ZBTB40: variants seen among roughly 807,000 people sequenced by gnomAD.
ZBTB40 encodes the protein zinc finger and BTB domain containing 40.
In ZBTB40, 60 loss-of-function variants were observed where a neutral mutation model predicts 117.5. The observed-to-expected ratio is 0.51, with a 90% CI of 0.41 to 0.63. The LOEUF (loss-of-function observed/expected upper bound fraction) is 0.63, where lower values mean the gene tolerates loss of function less well. Ranked by LOEUF, ZBTB40 falls within the 30% of genes least tolerant of loss-of-function variation. ZBTB40 has a pLI of 0.00. For missense variants in ZBTB40, 1,287 were observed against 1,498.5 expected (o/e 0.86, Z 2.33); for synonymous variants, 525 against 577.1 (o/e 0.91, Z 1.29).
chr1:22,436,966 C>G (rs1640678012), intron 1 of ZBTB40, among the ~76,000 whole-genome samples: 1 of 151,858 alleles, frequency 6.6e-6, no homozygotes. Flanking sequence ...GGAAGATGGG[C>G]AAGTCTAGAG....
intron 3 of ZBTB40, among the ~76,000 whole-genome samples, chr1:22,492,165 C>T (rs1638649151): frequency 6.6e-6 from 1 of 152,170 alleles, no homozygotes. Flanking sequence ...TCACAGAGCT[C>T]ATATGACCCT....
intron 1 of ZBTB40, among the ~76,000 whole-genome samples, chr1:22,480,865 G>C (rs1175639224): frequency 2.0e-4 from 31 of 152,128 alleles, no homozygotes; most frequent in Admixed American, 2.0e-3. Flanking sequence ...GTTTCCCTGA[G>C]CCAGTGAGCA....
At chr1:22,501,916 A>G (rs1290946003) in intron 4 of ZBTB40, among the ~76,000 whole-genome samples, 2 of 152,172 alleles carry the variant, frequency 1.3e-5, no homozygotes, top group African/African-American at 4.8e-5. Context: ...AATATCATCA[A>G]TGTTCTCCTG....
At chr1:22,524,195 C>G in intron 16 of ZBTB40, 23 bp from the exon 17 acceptor site, 1 of 1,612,164 alleles carries the variant, frequency 6.2e-7, no homozygotes, top group Non-Finnish European at 8.5e-7. Context: ...ACAGCCCTCC[C>G]CTTCTGTCTC....
rs1421687728 is a variant in ZBTB40 at position 22,512,977 on chromosome 1, G to C, written c.2515G>C (p.Glu839Gln). 1 of 1,614,226 alleles carries C rather than the reference G, an allele frequency of 6.2e-7. No individual in the cohort carries two copies. Among genetic ancestry groups the C allele is most frequent in the Admixed American group, 1.7e-5 (1 of 60,036 alleles). The change falls in exon 12 of 18, where the codon GAA becomes CAA. Residue 839 changes from glutamate (E) to glutamine (Q), a missense_variant. This residue lies in a region of ZBTB40 where 417 missense variants were observed against 564.1 expected (regional missense o/e 0.74). Coordinates refer to ENST00000375647, the MANE Select transcript of ZBTB40 (RefSeq NM_014870.4). ...CTTCGATGAGAAGCCTTTCTCCTGT[G>C]AAGAGTGTGGGGCGAAGTTTGCAGC... is the stretch of plus-strand genomic sequence containing the variant. The part of the protein sequence containing the change: ...EHFDEKPFSC[E>Q]ECGAKFAANS...
upstream of ZBTB40, among the ~76,000 whole-genome samples, chr1:22,450,211 C>G (rs1047367266): frequency 2.6e-5 from 4 of 152,220 alleles, no homozygotes; most frequent in Non-Finnish European, 5.9e-5. Context: ...TCCCAAAATG[C>G]TCCCAAAATG....
chr1:22,440,326 C>A (rs1640716405), intron 1 of ZBTB40, among the ~76,000 whole-genome samples: 1 of 151,914 alleles, frequency 6.6e-6, no homozygotes, highest in Non-Finnish European at 1.5e-5. Flanking sequence ...TTCTTCTTGC[C>A]TAATTGCTCT....
intron 1 of ZBTB40, among the ~76,000 whole-genome samples, chr1:22,465,701 G>A (rs1242189923): frequency 6.6e-6 from 1 of 152,146 alleles, no homozygotes; most frequent in Non-Finnish European, 1.5e-5. Flanking sequence ...GCCTGTGAGG[G>A]TGGGGCCTTC....
chr1:22,502,264 C>T (rs748422079), intron 4 of ZBTB40, 35 bp from the exon 5 acceptor site: 3 of 1,604,206 alleles, frequency 1.9e-6, no homozygotes, highest in Non-Finnish European at 1.7e-6. Context: ...AATTGACTAG[C>T]TTCTCTTGTG....
intron 5 of ZBTB40, 89 bp downstream of exon 5, chr1:22,502,530 C>G (rs543888163): frequency 4.5e-6 from 7 of 1,557,090 alleles, no homozygotes; most frequent in African/African-American, 4.1e-5. Context: ...TTATACTTTG[C>G]AGTATTTTAA....
At chr1:22,526,041 C>T (rs1466784056) in intron 17 of ZBTB40, among the ~76,000 whole-genome samples, 161 bp from the exon 18 acceptor site, 9 of 152,170 alleles carry the variant, frequency 5.9e-5, no homozygotes, top group Admixed American at 3.3e-4. Flanking sequence ...TCTTTTGCAT[C>T]GCCAGTGGGT....
intron 6 of ZBTB40, 85 bp downstream of exon 6, chr1:22,506,326 G>A: frequency 2.2e-6 from 3 of 1,336,048 alleles, no homozygotes; most frequent in Non-Finnish European, 3.2e-6. Flanking sequence ...TCCATGCTGG[G>A]GAGATAAGAT....
At chr1:22,522,641 G>T (rs79845147) in intron 16 of ZBTB40, among the ~76,000 whole-genome samples, 178 bp downstream of exon 16, 2,972 of 152,242 alleles carry the variant, frequency 0.02, 78 homozygotes, top group Admixed American at 0.065. Flanking sequence ...AAAACTGAAG[G>T]CCTTGGCATC....
At chr1:22,432,979 C>T (rs751666288) in intron 1 of ZBTB40, among the ~76,000 whole-genome samples, 18 of 152,118 alleles carry the variant, frequency 1.2e-4, no homozygotes, top group Non-Finnish European at 2.2e-4. Flanking sequence ...TACTATGTAG[C>T]CCTTTACAGA....
chr1:22,526,106 T>G, intron 17 of ZBTB40, 96 bp from the exon 18 acceptor site: 2 of 1,457,308 alleles, frequency 1.4e-6, no homozygotes. Context: ...GGTGAAAACA[T>G]AAATATCATC....
intron 1 of ZBTB40, among the ~76,000 whole-genome samples, chr1:22,443,753 T>A (rs1640759137): frequency 1.3e-5 from 2 of 152,158 alleles, no homozygotes; most frequent in African/African-American, 4.8e-5. Context: ...AGAAATATAT[T>A]TTGGGGTAAA....
rs199799681 is a variant in ZBTB40, at chr1:22,526,264, G to C, written c.3588G>C (p.Gln1196His). The change falls in exon 18 of 18, where the codon CAG becomes CAC. Residue 1196 changes from glutamine (Q) to histidine (H), a missense_variant. Coordinates refer to ENST00000375647, the MANE Select transcript of ZBTB40 (RefSeq NM_014870.4). ...TEQVITLEETQLAGSQVFVTL... is the reference protein window; with the variant it reads ...TEQVITLEETHLAGSQVFVTL... ...AGGTGATCACTTTGGAGGAGACCCA[G>C]CTTGCCGGGTCGCAGGTGTTTGTGA... 69 of 1,614,096 alleles carry C rather than the reference G, an allele frequency of 4.3e-5. No homozygotes were observed. The highest frequency in any genetic ancestry group is 1.1e-5 in the South Asian group (1 of 91,090).
At chr1:22,497,141 T>C (rs1387813984) in intron 3 of ZBTB40, among the ~76,000 whole-genome samples, 1 of 152,212 alleles carries the variant, frequency 6.6e-6, no homozygotes, top group Non-Finnish European at 1.5e-5. Context: ...TTTAATTAAT[T>C]GTGTATACAG....
In ZBTB40 at chr1:22,521,410, T is replaced by A; in HGVS notation, c.3049-86T>A. On this transcript the variant is annotated intron_variant, in intron 14 of 17. Transcript: ENST00000375647. The stretch of plus-strand genomic sequence containing the variant: ...CTAGAAACGTCAGCTTATCCAAAAA[T>A]GTATTTCTTTCTCTCATGAGAGCCT... 4 of 1,553,924 alleles carry A rather than the reference T, an allele frequency of 2.6e-6. No individual in the cohort carries two copies. In the East Asian group the frequency reaches 6.8e-5, roughly 26 times the overall value.
Sources: allele counts gnomAD v4.1 joint callset (sites outside exome capture counted in the v4.1 genomes callset), GRCh38; gene constraint gnomAD v4.1.1; regional missense constraint gnomAD v4.1.1; transcripts MANE v1.5; gene names NCBI Gene and HGNC (gene_info 2026-07-23, HGNC 2026-07-21).